ZCWPW2: variants seen among roughly 807,000 people sequenced by gnomAD.
ZCWPW2 encodes the protein zinc finger CW-type and PWWP domain containing 2.
A neutral mutation model predicts 46.6 loss-of-function variants in ZCWPW2; 45 were observed. The observed-to-expected ratio is 0.96, with a 90% CI of 0.76 to 1.24. ZCWPW2 has a LOEUF of 1.24. Ranked by LOEUF, ZCWPW2 falls within the 50% of genes most tolerant of loss-of-function variation. The pLI, the probability that ZCWPW2 is intolerant of heterozygous loss-of-function variation, is 0.00. For synonymous variants in ZCWPW2, 152 were observed against 137.1 expected (o/e 1.11, Z -0.76); for missense variants, 429 against 403.9 (o/e 1.06, Z -0.53).
At position 28,510,121 on chromosome 3, in the gene ZCWPW2, A is replaced by T. The variant is rs117681990; in HGVS notation, c.658-3943A>T. Among the ~76,000 whole-genome samples, 184 of 152,308 alleles carry T rather than the reference A, an allele frequency of 1.2e-3. 3 individuals are homozygous for T. In the East Asian group the frequency reaches 0.031, roughly 26 times the overall value. Reference sequence around the variant, plus strand: ...TGCTAAAAATCAGTTGACCATATACATGAGAGTTTTTTTCTGGACTCCCAA... The same window carrying T: ...TGCTAAAAATCAGTTGACCATATACTTGAGAGTTTTTTTCTGGACTCCCAA... On this transcript the variant is annotated intron_variant, in intron 6 of 9. Coordinates refer to ENST00000383768, the MANE Select transcript of ZCWPW2 (RefSeq NM_001040432.4).
chr3:28,481,811 AG>A (rs1212513570), intron 5 of ZCWPW2, among the ~76,000 whole-genome samples: 1 of 152,200 alleles, frequency 6.6e-6, no homozygotes, highest in East Asian at 1.9e-4. Context: ...TAGGATTTAA[AG>A]CAAATAAGTA....
chr3:28,390,702 A>C, intron 2 of ZCWPW2, 85 bp downstream of exon 2: 1 of 940,232 alleles, frequency 1.1e-6, no homozygotes, highest in Middle Eastern at 5.5e-4. Flanking sequence ...GCATATATGC[A>C]ATTTTAAAAT....
At chr3:28,466,845 T>C (rs181793966) in intron 4 of ZCWPW2, among the ~76,000 whole-genome samples, 174 of 152,200 alleles carry the variant, frequency 1.1e-3, no homozygotes, top group African/African-American at 4.1e-3. Context: ...TGGAAAGATA[T>C]AATCCTCTTC....
chr3:28,494,755 A>G (rs1201094486), intron 6 of ZCWPW2, among the ~76,000 whole-genome samples: 2 of 141,226 alleles, frequency 1.4e-5, no homozygotes, highest in African/African-American at 5.3e-5. Context: ...TCAATGTACA[A>G]AAATCACAAG....
rs568956513 is a variant in ZCWPW2, at chr3:28,511,777, A to T, written c.658-2287A>T. 1.2e-3 allele frequency among the ~76,000 whole-genome samples: 178 copies of T among 152,272 alleles called. 1 individual carries two copies. Among genetic ancestry groups the T allele is most frequent in the African/African-American group, 4.0e-3 (165 of 41,560 alleles). ...TAGGTCAGTGTTTATTTAGATTTAC[A>T]TAATGTTCAGCACTTAATTTACTTA... On this transcript the variant is annotated intron_variant, in intron 6 of 9. Coordinates refer to ENST00000383768, the MANE Select transcript of ZCWPW2 (RefSeq NM_001040432.4).
chr3:28,498,357 G>A (rs535287387), intron 6 of ZCWPW2, among the ~76,000 whole-genome samples: 27 of 151,418 alleles, frequency 1.8e-4, no homozygotes, highest in African/African-American at 6.3e-4. Flanking sequence ...CTGCTACTTC[G>A]TTGTTGTGTC....
chr3:28,387,040 C>T (rs1233479010), intron 1 of ZCWPW2, among the ~76,000 whole-genome samples: 1 of 152,164 alleles, frequency 6.6e-6, no homozygotes, highest in Non-Finnish European at 1.5e-5. Flanking sequence ...TTCCCCCTTC[C>T]GCCCAGCATC....
chr3:28,365,160 C>T (rs1470376141), intron 1 of ZCWPW2, among the ~76,000 whole-genome samples: 1 of 150,536 alleles, frequency 6.6e-6, no homozygotes, highest in Admixed American at 6.7e-5. Flanking sequence ...AATTAGATCC[C>T]ATTTGTCAAT....
intron 4 of ZCWPW2, among the ~76,000 whole-genome samples, chr3:28,467,386 T>G (rs537023999): frequency 6.6e-6 from 1 of 152,132 alleles, no homozygotes; most frequent in South Asian, 2.1e-4. Flanking sequence ...AAGACCATTA[T>G]ACGTACTAAC....
chr3:28,467,164 G>T (rs1438807850), intron 4 of ZCWPW2, among the ~76,000 whole-genome samples: 1 of 152,092 alleles, frequency 6.6e-6, no homozygotes. Context: ...AAGAAAAGTT[G>T]TATTGTTTAA....
intron 6 of ZCWPW2, among the ~76,000 whole-genome samples, chr3:28,494,334 G>A (rs1290979560): frequency 3.7e-5 from 4 of 107,064 alleles, no homozygotes; most frequent in Admixed American, 1.0e-4. Context: ...TGTATAAGGT[G>A]TAAGGAAGGG....
At chr3:28,352,391 T>C (rs1232076617) in intron 1 of ZCWPW2, among the ~76,000 whole-genome samples, 5 of 152,186 alleles carry the variant, frequency 3.3e-5, no homozygotes, top group Admixed American at 1.3e-4. Flanking sequence ...ATTCCTAAGA[T>C]TGATCTTCCT....
At chr3:28,453,385 G>A (rs892645685) in intron 4 of ZCWPW2, among the ~76,000 whole-genome samples, 1 of 152,090 alleles carries the variant, frequency 6.6e-6, no homozygotes, top group Non-Finnish European at 1.5e-5. Flanking sequence ...TAAATAATAT[G>A]ACCAACTTCA....
intron 4 of ZCWPW2, among the ~76,000 whole-genome samples, chr3:28,443,276 C>G (rs1051138923): frequency 6.6e-6 from 1 of 152,076 alleles, no homozygotes; most frequent in South Asian, 2.1e-4. Flanking sequence ...AGGTGAAAGC[C>G]CAGAGGTCTC....
intron 8 of ZCWPW2, among the ~76,000 whole-genome samples, chr3:28,519,547 C>T (rs1223705363): frequency 6.6e-6 from 1 of 152,172 alleles, no homozygotes; most frequent in Non-Finnish European, 1.5e-5. Context: ...TTAATAAGTA[C>T]TTTAGCAGAA....
intron 2 of ZCWPW2, among the ~76,000 whole-genome samples, chr3:28,396,847 G>C (rs1695721193): frequency 6.6e-6 from 1 of 152,002 alleles, no homozygotes; most frequent in African/African-American, 2.4e-5. Context: ...TCTAGTATTG[G>C]GCTGGGTGCA....
At chr3:28,515,111 A>G (rs1700528330) in intron 7 of ZCWPW2, among the ~76,000 whole-genome samples, 2 of 152,182 alleles carry the variant, frequency 1.3e-5, no homozygotes, top group African/African-American at 4.8e-5. Context: ...CATTTGAGCA[A>G]ACTTTTTTCT....
chr3:28,458,677 A>G (rs987928197), intron 4 of ZCWPW2, among the ~76,000 whole-genome samples: 34 of 152,288 alleles, frequency 2.2e-4, no homozygotes, highest in African/African-American at 7.9e-4. Flanking sequence ...CATCTTCATA[A>G]GCATACCAAA....
intron 3 of ZCWPW2, among the ~76,000 whole-genome samples, chr3:28,431,131 C>A (rs905021634): frequency 1.3e-5 from 2 of 152,006 alleles, no homozygotes; most frequent in Non-Finnish European, 2.9e-5. Flanking sequence ...ATTTCAGATT[C>A]TTTACAGCAT....
Sources: allele counts gnomAD v4.1 joint callset (sites outside exome capture counted in the v4.1 genomes callset), GRCh38; gene constraint gnomAD v4.1.1; transcripts MANE v1.5; gene names NCBI Gene and HGNC (gene_info 2026-07-23, HGNC 2026-07-21).